The following NRP1 variants were observed in gnomAD, a reference collection of about 807,000 sequenced individuals.
NRP1 encodes neuropilin 1.
A neutral mutation model predicts 106.7 loss-of-function variants in NRP1; 35 were observed. The ratio of observed to expected loss-of-function variants is 0.33; its 90% CI spans 0.25 to 0.43. The LOEUF (loss-of-function observed/expected upper bound fraction) is 0.43, where lower values mean the gene tolerates loss of function less well. Ranked by LOEUF, NRP1 falls within the 20% of genes least tolerant of loss-of-function variation. The probability of loss-of-function intolerance (pLI) is 1.00; values close to 1 mark genes in which losing one functional copy is unlikely to be tolerated. For synonymous variants in NRP1, 437 were observed against 417.9 expected (o/e 1.05, Z -0.56); for missense variants, 1,024 against 1,170.4 (o/e 0.87, Z 1.83).
intron 2 of NRP1, among the ~76,000 whole-genome samples, chr10:33,283,227 T>A (rs1047803877): frequency 6.6e-6 from 1 of 152,208 alleles, no homozygotes; most frequent in African/African-American, 2.4e-5. Context: ...GAAAAACAGA[T>A]CATGTATTAG....
In NRP1 at chr10:33,212,992, A is replaced by C; in HGVS notation, c.1614+394T>G. ...GGCCCACAATAAAAATTTATAAAAGAAACAAAGCACTTAAACTAGGGGTAG... is the reference window on the plus strand; with the variant it reads ...GGCCCACAATAAAAATTTATAAAAGCAACAAAGCACTTAAACTAGGGGTAG... On this transcript the variant is annotated intron_variant, in intron 9 of 16. Transcript: ENST00000374867. 4 of 521,958 alleles carry C rather than the reference A, an allele frequency of 7.7e-6. No individual in the cohort carries two copies. The South Asian group carries it at 8.7e-5, about 11-fold the overall frequency. 32.3% of individuals were successfully genotyped at this position (521,958 alleles called of 1,614,324 possible).
At chr10:33,323,435 A>G (rs1381361939) in intron 2 of NRP1, among the ~76,000 whole-genome samples, 1 of 152,150 alleles carries the variant, frequency 6.6e-6, no homozygotes, top group Non-Finnish European at 1.5e-5. Flanking sequence ...GACGGAAGCC[A>G]AAATATTCTG....
At chr10:33,191,207 G>A (rs778178891) in intron 13 of NRP1, among the ~76,000 whole-genome samples, 58 of 152,090 alleles carry the variant, frequency 3.8e-4, no homozygotes, top group Non-Finnish European at 5.6e-4. Flanking sequence ...ATGACTAGGT[G>A]GGTAGCAGGA....
At position 33,269,175 on chromosome 10, in the gene NRP1, A is replaced by T. The variant is rs1588886531; in HGVS notation, c.430+1500T>A. ...TCTATACATTAATGCCAACTTAAAA[A>T]TGTAAATAATAGGAAGGCTGAATTT... On this transcript the variant is annotated intron_variant, in intron 3 of 16. Coordinates refer to ENST00000374867, the MANE Select transcript of NRP1 (RefSeq NM_003873.7). Among the ~76,000 whole-genome samples the T allele has an allele frequency of 2.0e-5, 3 of 152,262 alleles. No individual in the cohort carries two copies. The East Asian group carries it at 5.8e-4, about 29-fold the overall frequency.
intron 7 of NRP1, among the ~76,000 whole-genome samples, chr10:33,223,196 G>T (rs1393266943): frequency 6.6e-6 from 1 of 152,194 alleles, no homozygotes; most frequent in Non-Finnish European, 1.5e-5. Context: ...TCCAGGTGAG[G>T]ACATGAAGGT....
At chr10:33,205,839 TC>T (rs879443948) in intron 10 of NRP1, 2 of 180,962 alleles carry the variant, frequency 1.1e-5, no homozygotes, top group East Asian at 1.4e-4. Context: ...TTCATTTTTT[TC>T]CCCCTAAACC....
At chr10:33,192,193 C>A in intron 13 of NRP1, 88 bp downstream of exon 13, 1 of 1,434,660 alleles carries the variant, frequency 7.0e-7, no homozygotes. Flanking sequence ...GCCCTAAATT[C>A]ACAGACATTA....
intron 4 of NRP1, among the ~76,000 whole-genome samples, chr10:33,263,411 C>A (rs1842705045): frequency 6.6e-6 from 1 of 152,160 alleles, no homozygotes; most frequent in Non-Finnish European, 1.5e-5. Flanking sequence ...CTTTTGTAAT[C>A]TTTCATGGCC....
At chr10:33,261,386 G>C (rs1588871597) in intron 4 of NRP1, among the ~76,000 whole-genome samples, 1 of 152,194 alleles carries the variant, frequency 6.6e-6, no homozygotes, top group East Asian at 1.9e-4. Flanking sequence ...TGCAAATTTG[G>C]GTTGTGAACA....
rs371497955 is a variant in NRP1 at position 33,226,125 on chromosome 10, C to G, written c.1137+9G>C. ...CCAAATTGGTTGCCACGGTGGCAGC[C>G]TAACTTACAACAGGTTTGTTTCCTT... On this transcript the variant is annotated intron_variant, in intron 7 of 16. Transcript: ENST00000374867. 6.2e-7 allele frequency: 1 copy of G among 1,613,430 alleles called. No homozygotes were observed. The highest frequency in any genetic ancestry group is 1.3e-5 in the African/African-American group (1 of 74,884).
intron 6 of NRP1, among the ~76,000 whole-genome samples, chr10:33,243,432 C>T (rs555618295): frequency 5.6e-4 from 86 of 152,260 alleles, no homozygotes; most frequent in African/African-American, 1.9e-3. Context: ...CTGTCTGGTC[C>T]GATCACCCAT....
At position 33,213,689 on chromosome 10, in the gene NRP1, C is replaced by T. The variant is rs1238266451; in HGVS notation, c.1311G>A (p.Met437Ile). Residue 437 changes from methionine to isoleucine, a missense_variant, in exon 9 of 17, where the codon ATG (methionine) becomes ATA (isoleucine). Around this residue, in one of 5 missense-constraint regions of NRP1, gnomAD observed 562 missense variants for 620.3 expected, o/e 0.91. Coordinates refer to ENST00000374867, the MANE Select transcript of NRP1 (RefSeq NM_003873.7). ...GGGAGTCAGAAATAAGTCCAGACAC[C>T]ATACCCAACATTCCAGAGCAAGGAT... The part of the protein sequence containing the change: ...TDYPCSGMLG[M>I]VSGLISDSQI... 5.0e-6 allele frequency: 8 copies of T among 1,604,278 alleles called. No homozygotes were observed. In the Admixed American group the frequency reaches 1.4e-4, roughly 27 times the overall value.
At chr10:33,312,735 C>T (rs1248785370) in intron 2 of NRP1, among the ~76,000 whole-genome samples, 2 of 152,284 alleles carry the variant, frequency 1.3e-5, no homozygotes, top group African/African-American at 2.4e-5. Context: ...TTTGCTTACG[C>T]TGCCTTTGAG....
intron 6 of NRP1, chr10:33,249,411 G>T: frequency 1.9e-6 from 1 of 513,110 alleles, no homozygotes; most frequent in East Asian, 5.5e-5. Context: ...GAGCCTGAAT[G>T]GAGTGAAGGC....
intron 8 of NRP1, among the ~76,000 whole-genome samples, chr10:33,220,136 A>C (rs139535456): frequency 6.6e-6 from 1 of 152,332 alleles, no homozygotes; most frequent in East Asian, 1.9e-4. Flanking sequence ...CTTTTCATTA[A>C]AAAATCAGAT....
chr10:33,330,719 G>C lies in NRP1; in HGVS notation c.237C>G (p.Asp79Glu). ...INFNPHFDLE[D>E]RDCKYDYVEV... Reference sequence around the variant, plus strand: ...ACATTCCCACTTACTTGCAGTCTCTGTCCTCCAAATCGAAGTGAGGGTTGA... The same window carrying C: ...ACATTCCCACTTACTTGCAGTCTCTCTCCTCCAAATCGAAGTGAGGGTTGA... Residue 79 changes from aspartate to glutamate, a missense_variant, in exon 2 of 17, where the codon GAC (aspartate) becomes GAG (glutamate). Physicochemically the swap from Asp to Glu is conservative, Grantham distance 45. Around this residue, in one of 5 missense-constraint regions of NRP1, gnomAD observed 279 missense variants for 327.4 expected, o/e 0.85. Transcript: ENST00000374867. The C allele has an allele frequency of 6.2e-7, 1 of 1,612,088 alleles. No individual in the cohort carries two copies. The highest frequency in any genetic ancestry group is 8.5e-7 in the Non-Finnish European group (1 of 1,178,634).
chr10:33,214,736 T>C (rs1024271698), intron 8 of NRP1, among the ~76,000 whole-genome samples: 5 of 152,120 alleles, frequency 3.3e-5, no homozygotes, highest in Non-Finnish European at 7.3e-5. Context: ...ATTCCATGGA[T>C]AGGAGTAGCC....
intron 1 of NRP1, among the ~76,000 whole-genome samples, chr10:33,333,401 T>C (rs1848421087): frequency 6.6e-6 from 1 of 152,216 alleles, no homozygotes; most frequent in Non-Finnish European, 1.5e-5. Flanking sequence ...GGCCCTCCAC[T>C]TGCGGTCTCT....
intron 6 of NRP1, among the ~76,000 whole-genome samples, chr10:33,253,436 T>C (rs1841998045): frequency 6.6e-6 from 1 of 152,146 alleles, no homozygotes; most frequent in Non-Finnish European, 1.5e-5. Context: ...CACAAATATG[T>C]ACATTTCATG....
Sources: gnomAD v4.1 joint callset for allele counts (sites outside exome capture counted in the v4.1 genomes callset) on GRCh38, gnomAD v4.1.1 for gene constraint, gnomAD v4.1.1 regional missense constraint, MANE v1.5 for transcripts, NCBI Gene and HGNC (gene_info 2026-07-23, HGNC 2026-07-21) for gene names.